DNM2: variants seen among roughly 807,000 people sequenced by gnomAD.
DNM2 encodes the protein dynamin 2.
In DNM2, 15 loss-of-function variants were observed where a neutral mutation model predicts 99.0. The ratio of observed to expected loss-of-function variants is 0.15; its 90% confidence interval spans 0.10 to 0.23. The LOEUF is 0.23. Ranked by LOEUF, DNM2 falls within the 10% of genes least tolerant of loss-of-function variation. DNM2 has a pLI of 1.00. For synonymous variants in DNM2, 525 were observed against 481.2 expected, an observed-to-expected ratio of 1.09 and a Z score of -1.19; for missense variants, 742 against 1,189.4, an observed-to-expected ratio of 0.62 and a Z score of 5.53.
In DNM2 at chr19:10,831,654, G is replaced by A. The variant is rs117954916; in HGVS notation, c.*607G>A. The A allele has an allele frequency of 1.6e-3, 1,615 of 986,094 alleles. 1 individual carries two copies. Among genetic ancestry groups the A allele is most frequent in the Non-Finnish European group, 1.9e-3 (1,547 of 830,150 alleles). 61.1% of individuals were successfully genotyped at this position (986,094 alleles called of 1,614,324 possible). A position where few individuals can be genotyped will look rare whatever the true frequency, so the allele number is the denominator to read the frequency against. ...AGGCCCGGAGCCGTTGGCCCGGGCC[G>A]GCCTTGCCCTATTCCTCTCCTCCTC... On this transcript the variant is annotated 3_prime_UTR_variant, in exon 21 of 21. Coordinates refer to ENST00000389253, the MANE Select transcript of DNM2 (RefSeq NM_001005361.3). This position sits in a 1 kb window ranked among gnomAD's most constrained non-coding sequence, Gnocchi z 4.3.
At chr19:10,768,851 T>C (rs2070885240) in intron 2 of DNM2, 1 of 152,262 alleles carries the variant, frequency 6.6e-6, no homozygotes, top group East Asian at 1.9e-4. Context: ...CCTGGTGGCA[T>C]GGACATTCAA....
Position 10,831,307 on chromosome 19 carries a change from G to A in DNM2, c.*260G>A. On this transcript the variant is annotated 3_prime_UTR_variant, in exon 21 of 21. Coordinates refer to ENST00000389253, the MANE Select transcript of DNM2 (RefSeq NM_001005361.3). This position sits in a 1 kb window ranked among gnomAD's most constrained non-coding sequence, Gnocchi z 4.3. ...GGGATGGAGTCTCAGGGTGGCAGAGGGGGGACCAGAACCCTTGACACCATC... is the reference window on the plus strand; with the variant it reads ...GGGATGGAGTCTCAGGGTGGCAGAGAGGGGACCAGAACCCTTGACACCATC... The A allele has an allele frequency of 7.9e-7, 1 of 1,273,284 alleles. No homozygotes were observed. Among genetic ancestry groups the A allele is most frequent in the Non-Finnish European group, 9.9e-7 (1 of 1,010,022 alleles). The allele number at this position is 1,273,284 out of a possible 1,614,324, so 78.9% of individuals were successfully genotyped here.
chr19:10,829,397 G>A lies in DNM2; in HGVS notation c.2291+129G>A, dbSNP rs1045269439. 138 of 1,203,858 alleles carry A rather than the reference G, an allele frequency of 1.1e-4. 4 individuals are homozygous for A. In the South Asian group the frequency reaches 1.4e-3, roughly 12 times the overall value. The allele number at this position is 1,203,858 out of a possible 1,614,324, so 74.6% of individuals were successfully genotyped here. On this transcript the variant is annotated intron_variant, in intron 19 of 20. Coordinates refer to ENST00000389253, the MANE Select transcript of DNM2 (RefSeq NM_001005361.3). ...GGTGGCACCCAGGGCTGGGCACTGT[G>A]GGAGCTGCTGCCCTGCTGAGGCCGG...
chr19:10,753,344 T>C (rs1393970858), intron 1 of DNM2, among the ~76,000 whole-genome samples: 1 of 151,934 alleles, frequency 6.6e-6, no homozygotes, highest in African/African-American at 2.4e-5. Flanking sequence ...TTGGTTGTCT[T>C]AGTCACAAAG....
chr19:10,831,483 T>C lies in DNM2; in HGVS notation c.*436T>C. 1 of 989,224 alleles carries C rather than the reference T, an allele frequency of 1.0e-6. No homozygotes were observed. Among genetic ancestry groups the C allele is most frequent in the Non-Finnish European group, 1.2e-6 (1 of 832,302 alleles). 61.3% of individuals were successfully genotyped at this position (989,224 alleles called of 1,614,324 possible). ...GTGCAGGGGTATATCAACTTCCCAT[T>C]AGCAGGAGCTCCCCAGCGGCAAGCC... is the stretch of plus-strand genomic sequence containing the variant. On this transcript the variant is annotated 3_prime_UTR_variant, in exon 21 of 21. Transcript: ENST00000389253. The surrounding 1 kb of genome is among the most constrained non-coding windows in gnomAD (Gnocchi z 4.3).
intron 1 of DNM2, among the ~76,000 whole-genome samples, chr19:10,732,023 C>T (rs1364618451): frequency 4.0e-5 from 6 of 149,740 alleles, no homozygotes; most frequent in Non-Finnish European, 8.9e-5. Flanking sequence ...GGTGCAATCT[C>T]GGCTCGCTGC....
chr19:10,735,239 C>T (rs762805910), intron 1 of DNM2, among the ~76,000 whole-genome samples: 2 of 151,900 alleles, frequency 1.3e-5, no homozygotes, highest in African/African-American at 2.4e-5. Flanking sequence ...GGGGTTTCAC[C>T]GTGTTAGCCA....
In DNM2 at chr19:10,797,382, C is replaced by T. The variant is rs775605516; in HGVS notation, c.1199C>T (p.Thr400Met). ...ATCCTGCCCTCCGCATGACCCAGGA[C>T]GGGGCTCTTCACCCCCGACATGGCC... ...YAIKNIHGVR[T>M]GLFTPDMAFE... is the part of the protein sequence containing the mutation. The change falls in exon 10 of 21, where the codon ACG (threonine) becomes ATG (methionine). Residue 400 changes from threonine to methionine, a missense_variant and splice_region_variant. Thr to Met is a moderately conservative substitution (Grantham distance 81). Around this residue, in one of 7 missense-constraint regions of DNM2, gnomAD observed 240 missense variants for 431.3 expected, o/e 0.56. Transcript: ENST00000389253. 4 of 1,612,552 alleles carry T rather than the reference C, an allele frequency of 2.5e-6. No individual in the cohort carries two copies. The highest frequency in any genetic ancestry group is 2.5e-6 in the Non-Finnish European group (3 of 1,179,976).
intron 11 of DNM2, among the ~76,000 whole-genome samples, chr19:10,799,593 G>A (rs1329138664): frequency 6.7e-6 from 1 of 150,234 alleles, no homozygotes. Context: ...GGGTGCAGTG[G>A]CACGATCTTG....
chr19:10,748,046 G>A (rs980836009), intron 1 of DNM2, among the ~76,000 whole-genome samples: 2 of 152,310 alleles, frequency 1.3e-5, no homozygotes, highest in African/African-American at 2.4e-5. Context: ...AAGACAGAGA[G>A]TAGGGGGAGG....
At chr19:10,734,475 A>G (rs2069448771) in intron 1 of DNM2, among the ~76,000 whole-genome samples, 1 of 146,306 alleles carries the variant, frequency 6.8e-6, no homozygotes, top group East Asian at 2.3e-4. Context: ...CCTCGTGTGT[A>G]GAAAAAAAAA....
intron 17 of DNM2, 192 bp from the exon 18 acceptor site, chr19:10,824,865 G>C (rs2073091595): frequency 1.3e-6 from 1 of 782,438 alleles, no homozygotes; most frequent in Non-Finnish European, 2.1e-6. Context: ...ATCCACCCCA[G>C]CATCAGCCAG....
chr19:10,755,754 C>T (rs1401875428), intron 1 of DNM2, among the ~76,000 whole-genome samples: 1 of 151,994 alleles, frequency 6.6e-6, no homozygotes, highest in Non-Finnish European at 1.5e-5. Context: ...ATCTCCGCCT[C>T]CCGGGTTCAA....
At chr19:10,733,133 C>T (rs2069392108) in intron 1 of DNM2, among the ~76,000 whole-genome samples, 1 of 151,500 alleles carries the variant, frequency 6.6e-6, no homozygotes, top group African/African-American at 2.4e-5. Flanking sequence ...ATCCACCCTC[C>T]TCGGCCTCCC....
chr19:10,756,693 G>A (rs533672270), intron 1 of DNM2, among the ~76,000 whole-genome samples: 22 of 152,200 alleles, frequency 1.4e-4, no homozygotes, highest in African/African-American at 4.1e-4. Context: ...GCCAGGGCTC[G>A]TCCCCCAGAG....
chr19:10,814,780 T>C (rs1027256166), intron 15 of DNM2, among the ~76,000 whole-genome samples: 1 of 152,220 alleles, frequency 6.6e-6, no homozygotes, highest in Non-Finnish European at 1.5e-5. Context: ...GTTCCATTCA[T>C]GTTGCTGCAA....
intron 6 of DNM2, among the ~76,000 whole-genome samples, chr19:10,785,957 C>A (rs2071544006): frequency 6.6e-6 from 1 of 152,006 alleles, no homozygotes; most frequent in Admixed American, 6.6e-5. Context: ...CACCACCACA[C>A]CGAGATAATT....
At chr19:10,821,755 T>C (rs774809099) in intron 16 of DNM2, among the ~76,000 whole-genome samples, 30 of 152,102 alleles carry the variant, frequency 2.0e-4, no homozygotes, top group Non-Finnish European at 3.2e-4. Flanking sequence ...GGGCTCGAAC[T>C]CCCAACCTCA....
chr19:10,795,087 A>G lies in DNM2; in HGVS notation c.1129-285A>G, dbSNP rs978411552. Reference sequence around the variant, plus strand: ...AGGCGTGCACCAGCCCACCTGGCCAATTTTTGTATTTTTAGTAGAGATGGG... The same window carrying G: ...AGGCGTGCACCAGCCCACCTGGCCAGTTTTTGTATTTTTAGTAGAGATGGG... On this transcript the variant is annotated intron_variant, in intron 8 of 20. Transcript: ENST00000389253. This position sits in a 1 kb window ranked among gnomAD's most constrained non-coding sequence, Gnocchi z 4.2. Among the ~76,000 whole-genome samples, 2 of 151,840 alleles carry G rather than the reference A, an allele frequency of 1.3e-5. No individual in the cohort carries two copies. Among genetic ancestry groups the G allele is most frequent in the Non-Finnish European group, 1.5e-5 (1 of 67,966 alleles).
Sources: allele counts gnomAD v4.1 joint callset (sites outside exome capture counted in the v4.1 genomes callset), GRCh38; gene constraint gnomAD v4.1.1; regional missense constraint gnomAD v4.1.1; non-coding constraint Gnocchi (gnomAD v3.1); transcripts MANE v1.5; gene names NCBI Gene and HGNC (gene_info 2026-07-23, HGNC 2026-07-21).